The following AHCYL2 variants were observed in gnomAD, a reference collection of about 807,000 sequenced individuals.
The protein encoded by AHCYL2 is S-adenosylhomocysteine hydrolase-like protein 2.
A neutral mutation model predicts 81.4 loss-of-function variants in AHCYL2; 28 were observed. The observed-to-expected ratio is 0.34, with a 90% CI of 0.25 to 0.47. The LOEUF (loss-of-function observed/expected upper bound fraction) is 0.47. Among genes scored for constraint, AHCYL2 ranks in the 20% least tolerant of loss-of-function variants. AHCYL2 has a pLI of 1.00. For missense variants in AHCYL2, 551 were observed against 785.1 expected (o/e 0.70, Z 3.56); for synonymous variants, 272 against 290.2 (o/e 0.94, Z 0.64).
intron 1 of AHCYL2, among the ~76,000 whole-genome samples, chr7:129,282,343 A>C (rs1005119741): frequency 1.3e-5 from 2 of 151,944 alleles, no homozygotes; most frequent in Admixed American, 6.6e-5. Flanking sequence ...ACTTCTGGGA[A>C]CTCTAGTTAC....
At chr7:129,416,660 C>T (rs1231365281) in intron 12 of AHCYL2, among the ~76,000 whole-genome samples, 1 of 151,858 alleles carries the variant, frequency 6.6e-6, no homozygotes, top group Non-Finnish European at 1.5e-5. Flanking sequence ...AATAGCTGGG[C>T]GTGGTGGTGG....
intron 2 of AHCYL2, among the ~76,000 whole-genome samples, chr7:129,383,590 T>TGGAAG (rs1409334671): frequency 2.6e-5 from 4 of 152,218 alleles, no homozygotes; most frequent in Non-Finnish European, 5.9e-5. Flanking sequence ...ATCATTTCAC[T>TGGAAG]GCCTAAAACC....
chr7:129,360,778 G>T (rs976602522), intron 1 of AHCYL2, among the ~76,000 whole-genome samples: 1 of 152,168 alleles, frequency 6.6e-6, no homozygotes, highest in African/African-American at 2.4e-5. Flanking sequence ...GTAAGGGAAT[G>T]TAGAGCACCA....
At chr7:129,282,909 C>G (rs1186341315) in intron 1 of AHCYL2, among the ~76,000 whole-genome samples, 1 of 152,130 alleles carries the variant, frequency 6.6e-6, no homozygotes, top group East Asian at 1.9e-4. Flanking sequence ...AGTTTTCCAT[C>G]TAGGGTAGTT....
intron 12 of AHCYL2, among the ~76,000 whole-genome samples, chr7:129,416,571 G>A (rs889661185): frequency 3.3e-5 from 5 of 152,120 alleles, no homozygotes; most frequent in African/African-American, 9.7e-5. Flanking sequence ...GCCGAGACGG[G>A]TGGATCACCT....
At chr7:129,378,669 C>G (rs1428802611) in intron 1 of AHCYL2, among the ~76,000 whole-genome samples, 4 of 152,158 alleles carry the variant, frequency 2.6e-5, no homozygotes, top group Non-Finnish European at 4.4e-5. Flanking sequence ...ATTATTAAAT[C>G]ATTACCATTT....
chr7:129,428,466 T>C lies in AHCYL2; in HGVS notation c.*1421T>C, dbSNP rs1196983472. On this transcript the variant is annotated 3_prime_UTR_variant, in exon 17 of 17. Coordinates refer to ENST00000325006, the MANE Select transcript of AHCYL2 (RefSeq NM_015328.4). Reference sequence around the variant, plus strand: ...GGACCAGATTGGTTCTAAGAGTTAGTCTGGACTGGCCCTAGGAAACTTGAA... The same window carrying C: ...GGACCAGATTGGTTCTAAGAGTTAGCCTGGACTGGCCCTAGGAAACTTGAA... The C allele has an allele frequency of 6.6e-6, 1 of 152,196 alleles. No homozygotes were observed. The highest frequency in any genetic ancestry group is 1.5e-5 in the Non-Finnish European group (1 of 68,042). 9.4% of individuals were successfully genotyped at this position (152,196 alleles called of 1,614,324 possible).
At chr7:129,425,175 A>G (rs989160755) in intron 15 of AHCYL2, 34 bp downstream of exon 15, 4 of 1,590,576 alleles carry the variant, frequency 2.5e-6, no homozygotes, top group Non-Finnish European at 3.4e-6. Context: ...CATCCTTACC[A>G]AAGTAGTTCA....
intron 1 of AHCYL2, among the ~76,000 whole-genome samples, chr7:129,259,351 T>G (rs1795539471): frequency 6.6e-6 from 1 of 152,192 alleles, no homozygotes; most frequent in Non-Finnish European, 1.5e-5. Context: ...CTTTAAAATT[T>G]TAAATTATTT....
At chr7:129,380,179 G>C (rs12667132) in intron 2 of AHCYL2, among the ~76,000 whole-genome samples, 47,915 of 151,844 alleles carry the variant, frequency 0.32, 9,011 homozygotes, top group East Asian at 0.6. Context: ...ATGACACACT[G>C]TAGCTAGTTC....
At chr7:129,249,643 T>G (rs1795182755) in intron 1 of AHCYL2, among the ~76,000 whole-genome samples, 1 of 151,928 alleles carries the variant, frequency 6.6e-6, no homozygotes, top group Non-Finnish European at 1.5e-5. Context: ...GCCAGGATGG[T>G]CTCGATCTCC....
chr7:129,249,904 T>A (rs891638308), intron 1 of AHCYL2, among the ~76,000 whole-genome samples: 1 of 152,250 alleles, frequency 6.6e-6, no homozygotes, highest in African/African-American at 2.4e-5. Flanking sequence ...AATTTCATTC[T>A]TTTTAAGGCC....
At chr7:129,260,969 T>C (rs1253867290) in intron 1 of AHCYL2, among the ~76,000 whole-genome samples, 1 of 152,088 alleles carries the variant, frequency 6.6e-6, no homozygotes, top group African/African-American at 2.4e-5. Context: ...TTTGTATCTT[T>C]AGTAGAGACA....
At chr7:129,383,947 T>C (rs1288046424) in intron 2 of AHCYL2, among the ~76,000 whole-genome samples, 1 of 152,200 alleles carries the variant, frequency 6.6e-6, no homozygotes. Context: ...GTTACAACAA[T>C]GTGTTGTATT....
intron 8 of AHCYL2, 113 bp downstream of exon 8, chr7:129,405,326 A>C: frequency 1.7e-6 from 1 of 571,520 alleles, no homozygotes; most frequent in Non-Finnish European, 3.0e-6. Context: ...TAATGTCTCC[A>C]TAAAGCCAGA....
At chr7:129,392,149 A>T (rs1795500472) in intron 4 of AHCYL2, among the ~76,000 whole-genome samples, 1 of 152,130 alleles carries the variant, frequency 6.6e-6, no homozygotes. Flanking sequence ...CAATTTTAAT[A>T]TTAATTTATT....
At chr7:129,280,357 C>T (rs552282799) in intron 1 of AHCYL2, among the ~76,000 whole-genome samples, 5 of 151,636 alleles carry the variant, frequency 3.3e-5, no homozygotes, top group South Asian at 4.2e-4. Flanking sequence ...TTAGTAGACA[C>T]GAGGTTTCGC....
intron 1 of AHCYL2, among the ~76,000 whole-genome samples, chr7:129,338,796 G>C (rs1314641695): frequency 6.6e-6 from 1 of 152,156 alleles, no homozygotes; most frequent in African/African-American, 2.4e-5. Context: ...AATATGAATT[G>C]TGAATATTTC....
chr7:129,235,163 C>T (rs1794596649), intron 1 of AHCYL2, among the ~76,000 whole-genome samples: 1 of 152,066 alleles, frequency 6.6e-6, no homozygotes, highest in East Asian at 1.9e-4. Context: ...TTGACATTGA[C>T]TCCTTGTGAA....
Sources: allele counts gnomAD v4.1 joint callset (sites outside exome capture counted in the v4.1 genomes callset), GRCh38; gene constraint gnomAD v4.1.1; transcripts MANE v1.5; gene names NCBI Gene and HGNC (gene_info 2026-07-23, HGNC 2026-07-21).